The following CATSPER3 variants were observed in gnomAD, a reference collection of about 807,000 sequenced individuals.
CATSPER3 encodes the protein cation channel sperm-associated protein 3.
A neutral mutation model predicts 36.6 loss-of-function variants in CATSPER3; 23 were observed. The ratio of observed to expected loss-of-function variants is 0.63; its 90% CI spans 0.45 to 0.89. CATSPER3 has a LOEUF of 0.89. CATSPER3 is among the 40% of genes least tolerant of loss of function. The pLI is 0.00. For synonymous variants in CATSPER3, 172 were observed against 184.1 expected, an observed-to-expected ratio of 0.93 and a Z score of 0.53; for missense variants, 474 against 503.9, an observed-to-expected ratio of 0.94 and a Z score of 0.57.
At chr5:135,000,688 A>AT (rs971568482) in intron 3 of CATSPER3, among the ~76,000 whole-genome samples, 9 of 151,884 alleles carry the variant, frequency 5.9e-5, no homozygotes, top group African/African-American at 2.2e-4. Flanking sequence ...TTTCTTCTAG[A>AT]TTTTCTAGTT....
chr5:134,999,074 T>A (rs1362627512), intron 3 of CATSPER3, among the ~76,000 whole-genome samples: 184 of 152,316 alleles, frequency 1.2e-3, no homozygotes, highest in Non-Finnish European at 2.2e-3. Context: ...TTAATCCATC[T>A]TGAATTAATT....
rs3896260 is a variant in CATSPER3 at position 135,008,076 on chromosome 5, T to G, written c.612T>G (p.Asn204Lys). The change falls in exon 4 of 8, where the codon AAT becomes AAG. Residue 204 changes from asparagine to lysine, a missense_variant. Coordinates refer to ENST00000282611, the MANE Select transcript of CATSPER3 (RefSeq NM_178019.3). The stretch of plus-strand genomic sequence containing the variant: ...TCTGCCTGTTTGGATCTCCAGACAA[T>G]GGTGACCATGATAACTGGGGGAACC... Reference protein sequence around the residue: ...LGFCLFGSPDNGDHDNWGNLA... With the variant: ...LGFCLFGSPDKGDHDNWGNLA... 38,304 of 1,613,918 alleles carry G rather than the reference T, an allele frequency of 0.024. 6,612 individuals carry two copies. The African/African-American group carries it at 0.41, about 17-fold the overall frequency.
intron 2 of CATSPER3, among the ~76,000 whole-genome samples, chr5:134,985,574 A>G (rs1203798536): frequency 6.6e-6 from 1 of 152,138 alleles, no homozygotes; most frequent in East Asian, 1.9e-4. Context: ...TCCCTGCTAC[A>G]CAATTCACCC....
intron 3 of CATSPER3, among the ~76,000 whole-genome samples, chr5:135,002,208 T>C (rs1330122268): frequency 6.6e-6 from 1 of 152,212 alleles, no homozygotes; most frequent in Non-Finnish European, 1.5e-5. Context: ...ATTTTATTTC[T>C]CCTTCACTTA....
At chr5:134,983,004 G>A (rs538951434) in intron 2 of CATSPER3, among the ~76,000 whole-genome samples, 6 of 152,134 alleles carry the variant, frequency 3.9e-5, no homozygotes, top group Admixed American at 2.0e-4. Context: ...ATAAATTTAA[G>A]AGGTTAATTA....
At chr5:134,975,605 G>T (rs1313728995) in intron 2 of CATSPER3, among the ~76,000 whole-genome samples, 3 of 152,122 alleles carry the variant, frequency 2.0e-5, no homozygotes, top group African/African-American at 7.2e-5. Context: ...AGAGTGAGAC[G>T]TTGTCTCTTA....
intron 3 of CATSPER3, among the ~76,000 whole-genome samples, chr5:134,996,779 T>A (rs299365): frequency 6.6e-6 from 1 of 152,090 alleles, no homozygotes; most frequent in Non-Finnish European, 1.5e-5. Context: ...AAGGCGTGCC[T>A]GACTCCAGAG....
chr5:135,010,328 T>C, intron 6 of CATSPER3, 45 bp from the exon 7 acceptor site: 7 of 1,575,568 alleles, frequency 4.4e-6, no homozygotes, highest in Non-Finnish European at 6.1e-6. Flanking sequence ...GCAGCTCGGC[T>C]GTCACCTCCT....
At chr5:134,988,226 A>G (rs1395234112) in intron 2 of CATSPER3, among the ~76,000 whole-genome samples, 15 of 152,234 alleles carry the variant, frequency 9.9e-5, no homozygotes, top group Admixed American at 9.2e-4. Context: ...TCAGCAAGAC[A>G]TAATCTTTTT....
rs1752181185 is a variant in CATSPER3 at position 135,011,617 on chromosome 5, G to C, written c.1191G>C (p.Glu397Asp). 6.2e-7 allele frequency: 1 copy of C among 1,612,134 alleles called. No homozygotes were observed. The highest frequency in any genetic ancestry group is 1.3e-5 in the African/African-American group (1 of 75,012). Residue 397 changes from glutamate to aspartate, a missense_variant, in exon 8 of 8, where the codon GAG becomes GAC. Transcript: ENST00000282611. ...EKPQSLEKVD[E>D]K ...CCCAGTCCTTGGAAAAGGTGGATGA[G>C]AAGTAGCTGGGCATGGGGCACCCAT... is the stretch of plus-strand genomic sequence containing the variant.
chr5:134,982,642 A>C (rs1325786068), intron 2 of CATSPER3, among the ~76,000 whole-genome samples: 1 of 152,246 alleles, frequency 6.6e-6, no homozygotes, highest in Non-Finnish European at 1.5e-5. Context: ...CTTCCAGATA[A>C]ACAAAAATGA....
chr5:134,970,071 C>G lies in CATSPER3; in HGVS notation c.231C>G (p.Tyr77Ter). ...MALWTSYDIR[Y>*]RLFRLLEFSE... ...TGTGGACCAGTTATGACATAAGGTA[C>G]CGCTTGTTCAGACTTCTTGAGGTAA... is the stretch of plus-strand genomic sequence containing the variant. The change falls in exon 2 of 8, where the codon TAC (tyrosine) becomes TAG (stop). Residue 77 changes from tyrosine to a stop codon, truncating the protein, a stop_gained. Coordinates refer to ENST00000282611, the MANE Select transcript of CATSPER3 (RefSeq NM_178019.3). LOFTEE classifies it high-confidence loss of function. 6.2e-7 allele frequency: 1 copy of G among 1,614,056 alleles called. No individual in the cohort carries two copies. Among genetic ancestry groups the G allele is most frequent in the Non-Finnish European group, 8.5e-7 (1 of 1,179,976 alleles).
chr5:134,984,435 T>G (rs1259040220), intron 2 of CATSPER3, among the ~76,000 whole-genome samples: 1 of 151,426 alleles, frequency 6.6e-6, no homozygotes, highest in Non-Finnish European at 1.5e-5. Context: ...GAAAAACAAA[T>G]CCCATTAAAA....
At chr5:134,995,438 C>T (rs945718331) in intron 2 of CATSPER3, among the ~76,000 whole-genome samples, 1 of 152,154 alleles carries the variant, frequency 6.6e-6, no homozygotes, top group Non-Finnish European at 1.5e-5. Flanking sequence ...AGGACTTCCT[C>T]TTCTCCTCCA....
chr5:135,005,211 C>A (rs2149552833), intron 3 of CATSPER3, among the ~76,000 whole-genome samples: 1 of 152,310 alleles, frequency 6.6e-6, no homozygotes, highest in Non-Finnish European at 1.5e-5. Flanking sequence ...GATTAGAAGG[C>A]AAAGGCTCCT....
intron 1 of CATSPER3, chr5:134,968,584 A>G (rs6885196): frequency 0.068 from 11,100 of 162,260 alleles, 894 homozygotes; most frequent in African/African-American, 0.21. Context: ...CCAGCTACTC[A>G]GGATGCTGAG....
At position 135,009,130 on chromosome 5, in the gene CATSPER3, G is replaced by C; in HGVS notation, c.816+149G>C. 3 of 1,132,762 alleles carry C rather than the reference G, an allele frequency of 2.6e-6. No homozygotes were observed. In the South Asian group the frequency reaches 3.8e-5, roughly 14 times the overall value. 70.2% of individuals were successfully genotyped at this position (1,132,762 alleles called of 1,614,324 possible). A position where few individuals can be genotyped will look rare whatever the true frequency, so the allele number is the denominator to read the frequency against. On this transcript the variant is annotated intron_variant, in intron 5 of 7. Coordinates refer to ENST00000282611, the MANE Select transcript of CATSPER3 (RefSeq NM_178019.3). ...GGCCAGATGGACCTGTCCCTCACCC[G>C]GCCCAACTCTCCTCCCTGAGCCAGT...
intron 3 of CATSPER3, among the ~76,000 whole-genome samples, chr5:134,997,318 A>C (rs1751962318): frequency 6.6e-6 from 1 of 152,204 alleles, no homozygotes; most frequent in African/African-American, 2.4e-5. Flanking sequence ...GGAACGTTAG[A>C]GGTCTCCCCT....
intron 6 of CATSPER3, among the ~76,000 whole-genome samples, chr5:135,010,129 G>A (rs1238046476): frequency 6.6e-6 from 1 of 152,170 alleles, no homozygotes; most frequent in East Asian, 1.9e-4. Context: ...GTTCGTCCAG[G>A]GTTGGGAGAG....
Sources: allele counts gnomAD v4.1 joint callset (sites outside exome capture counted in the v4.1 genomes callset), GRCh38; gene constraint gnomAD v4.1.1; transcripts MANE v1.5; gene names NCBI Gene and HGNC (gene_info 2026-07-23, HGNC 2026-07-21).